PPRC1: variants seen among roughly 807,000 people sequenced by gnomAD.
The protein encoded by PPRC1 is PPARG related coactivator 1, also known as peroxisome proliferator-activated receptor gamma coactivator-related protein 1.
Under a neutral mutation model 132.5 loss-of-function variants are expected in PPRC1, and 23 were observed. That is an observed-to-expected ratio of 0.17 (90% confidence interval 0.12 to 0.25). The LOEUF is 0.25. Among genes scored for constraint, PPRC1 ranks in the 10% least tolerant of loss-of-function variants. PPRC1 has a pLI of 1.00. For missense variants in PPRC1, 2,006 were observed against 2,089.1 expected (o/e 0.96, Z 0.78); for synonymous variants, 872 against 833.5 (o/e 1.05, Z -0.80).
In PPRC1 at chr10:102,141,124, T is replaced by G. The variant is rs1271287257; in HGVS notation, c.2616T>G (p.Pro872=). The change falls in exon 5 of 14, where the codon CCT becomes CCG. Residue 872 remains proline, a synonymous_variant. Coordinates refer to ENST00000278070, the MANE Select transcript of PPRC1 (RefSeq NM_015062.5). ...CTGTGTCCCCTGCTGTGCCCACACC[T>G]CCCTCGATGTCTGCTGCCCTGCCTT... is the stretch of plus-strand genomic sequence containing the variant. ...VQSVSPAVPT[P]PSMSAALPFP... 8.7e-6 allele frequency: 14 copies of G among 1,613,948 alleles called. No individual in the cohort carries two copies. Among genetic ancestry groups the G allele is most frequent in the Non-Finnish European group, 1.1e-5 (13 of 1,179,940 alleles).
chr10:102,132,500 G>T (rs1166148394), upstream of PPRC1, among the ~76,000 whole-genome samples: 2 of 152,260 alleles, frequency 1.3e-5, no homozygotes, highest in Non-Finnish European at 2.9e-5. Flanking sequence ...AAACAAATTT[G>T]ATAGAGAAGG....
At chr10:102,149,106 G>A (rs2069399994) in intron 12 of PPRC1, 72 bp from the exon 13 acceptor site, 1 of 1,526,304 alleles carries the variant, frequency 6.6e-7, no homozygotes, top group African/African-American at 1.4e-5. Flanking sequence ...CTGTACCTTG[G>A]GATGCTGTGT....
rs185173254 is a variant in PPRC1, at chr10:102,133,059, A to T, written c.-10A>T. The stretch of plus-strand genomic sequence containing the variant: ...GCGATCAGAGCAGCGCTGGGTGTTC[A>T]GGGGCCAAGATGGCGGCGCGCCGGG... On this transcript the variant is annotated 5_prime_UTR_variant, in exon 1 of 14. Coordinates refer to ENST00000278070, the MANE Select transcript of PPRC1 (RefSeq NM_015062.5). 34 of 1,241,074 alleles carry T rather than the reference A, an allele frequency of 2.7e-5. No individual in the cohort carries two copies. Among genetic ancestry groups the T allele is most frequent in the Non-Finnish European group, 3.4e-5 (34 of 987,914 alleles). 76.9% of individuals were successfully genotyped at this position (1,241,074 alleles called of 1,614,324 possible). A position where few individuals can be genotyped will look rare whatever the true frequency, so the allele number is the denominator to read the frequency against.
At chr10:102,130,422 A>G (rs955560325), upstream of PPRC1, among the ~76,000 whole-genome samples, 1 of 144,984 alleles carries the variant, frequency 6.9e-6, no homozygotes, top group African/African-American at 2.6e-5. Context: ...TTCTCAAAAA[A>G]AAAAAAAAAA....
chr10:102,133,690 A>G (rs916303438), intron 1 of PPRC1, among the ~76,000 whole-genome samples: 1 of 150,180 alleles, frequency 6.7e-6, no homozygotes, highest in African/African-American at 2.5e-5. Flanking sequence ...CAGCGGGTCC[A>G]CGTGGGGGCG....
Position 102,141,926 on chromosome 10 carries a change from C to T in PPRC1, c.3418C>T (p.Leu1140=). The T allele has an allele frequency of 6.2e-7, 1 of 1,614,178 alleles. No individual in the cohort carries two copies. Among genetic ancestry groups the T allele is most frequent in the Non-Finnish European group, 8.5e-7 (1 of 1,180,016 alleles). Residue 1140 remains leucine (L), a synonymous_variant, in exon 5 of 14, where the codon CTA becomes TTA. Transcript: ENST00000278070. ...GCTGCCTGCTGTCCACCCAGCCCGT[C>T]TAAGGAAGCTGTCCTTCCTGCCTAC... is the stretch of plus-strand genomic sequence containing the variant. ...PKLPAVHPAR[L]RKLSFLPTPR... is the part of the protein sequence containing the mutation.
chr10:102,145,035 C>G lies in PPRC1; in HGVS notation c.3624C>G (p.Pro1208=), dbSNP rs750259580. 1.1e-5 allele frequency: 18 copies of G among 1,612,466 alleles called. No homozygotes were observed. Among genetic ancestry groups the G allele is most frequent in the Non-Finnish European group, 1.5e-5 (18 of 1,178,824 alleles). ...AVGNSGGVDI[P]QEKRPLDRLQ... ...CCCCCGCCAGCGGCGTTGACATTCC[C>G]CAGGAGAAGAGGCCCCTAGACCGGT... Residue 1208 remains proline (P), a synonymous_variant, in exon 8 of 14, where the codon CCC becomes CCG. Transcript: ENST00000278070.
the PPRC1 span, chr10:102,120,108 C>T: frequency 1.5e-6 from 2 of 1,376,256 alleles, no homozygotes; most frequent in Non-Finnish European, 1.9e-6. Flanking sequence ...AGCCCACTGA[C>T]ATCTTCACAT....
At chr10:102,134,806 C>CCCT (rs1397526313) in intron 1 of PPRC1, among the ~76,000 whole-genome samples, 3 of 152,168 alleles carry the variant, frequency 2.0e-5, no homozygotes, top group African/African-American at 7.2e-5. Flanking sequence ...CAGAGACACA[C>CCCT]CCTCACACCT....
rs1288038106 is a variant in PPRC1, at chr10:102,138,611, T to G, written c.343-8T>G. ...TGGTAGGACCTTCTGGTTGTTTTTC[T>G]GGAGCAGAGCAGGTTATCTCTGGAG... On this transcript the variant is annotated splice_region_variant and splice_polypyrimidine_tract_variant and intron_variant, in intron 2 of 13. Transcript: ENST00000278070. The G allele has an allele frequency of 2.5e-6, 4 of 1,613,664 alleles. No individual in the cohort carries two copies. Among genetic ancestry groups the G allele is most frequent in the Non-Finnish European group, 3.4e-6 (4 of 1,179,724 alleles).
chr10:102,138,999 G>C lies in PPRC1; in HGVS notation c.591+19G>C. 1 of 1,609,154 alleles carries C rather than the reference G, an allele frequency of 6.2e-7. No homozygotes were observed. Among genetic ancestry groups the C allele is most frequent in the South Asian group, 1.1e-5 (1 of 90,982 alleles). ...GAGTGGGGTAAGCCTGACCTAGAGG[G>C]TTTCAGAAACTCCCAGGTGGGAGGA... is the stretch of plus-strand genomic sequence containing the variant. On this transcript the variant is annotated intron_variant, in intron 4 of 13. Coordinates refer to ENST00000278070, the MANE Select transcript of PPRC1 (RefSeq NM_015062.5).
chr10:102,127,019 T>TTA, the PPRC1 span, among the ~76,000 whole-genome samples: 14 of 78,884 alleles, frequency 1.8e-4, 1 homozygote, highest in African/African-American at 6.8e-4. Context: ...TGGTTTTTTA[T>TTA]CATATATATA....
At chr10:102,120,075 G>C in the PPRC1 span, 1 of 1,438,102 alleles carries the variant, frequency 7.0e-7, no homozygotes, top group Non-Finnish European at 9.2e-7. Flanking sequence ...GTGGCCGCAC[G>C]CCCCACTCAC....
At position 102,148,975 on chromosome 10, in the gene PPRC1, T is replaced by C; in HGVS notation, c.4739+37T>C. On this transcript the variant is annotated intron_variant, in intron 12 of 13. Coordinates refer to ENST00000278070, the MANE Select transcript of PPRC1 (RefSeq NM_015062.5). This position sits in a 1 kb window ranked among gnomAD's most constrained non-coding sequence, Gnocchi z 4.2. ...CCCCAGGCTCAGGATGTTCTTTCTA[T>C]CCCATTCATCTACCTTGGTGTTTCT... is the stretch of plus-strand genomic sequence containing the variant. The C allele has an allele frequency of 6.2e-7, 1 of 1,609,364 alleles. No homozygotes were observed. The highest frequency in any genetic ancestry group is 8.5e-7 in the Non-Finnish European group (1 of 1,177,972).
At position 102,138,053 on chromosome 10, in the gene PPRC1, G is replaced by C; in HGVS notation, c.342+15G>C. The C allele has an allele frequency of 3.1e-6, 5 of 1,607,838 alleles. No homozygotes were observed. The highest frequency in any genetic ancestry group is 4.3e-6 in the Non-Finnish European group (5 of 1,176,376). On this transcript the variant is annotated intron_variant, in intron 2 of 13. Coordinates refer to ENST00000278070, the MANE Select transcript of PPRC1 (RefSeq NM_015062.5). Reference sequence around the variant, plus strand: ...GCCTTGGAGAGGTGAGCTGGGGCTGGACTCTGAAATCTTCAAGCAGGAGGT... The same window carrying C: ...GCCTTGGAGAGGTGAGCTGGGGCTGCACTCTGAAATCTTCAAGCAGGAGGT...
the PPRC1 span, chr10:102,120,393 G>A: frequency 1.0e-6 from 1 of 983,610 alleles, no homozygotes; most frequent in Non-Finnish European, 1.2e-6. Context: ...GTGTGCGCGT[G>A]TGCGTGTGCG....
rs765706257 is a variant in PPRC1, at chr10:102,139,408, G to A, written c.900G>A (p.Glu300=). 6.2e-7 allele frequency: 1 copy of A among 1,614,226 alleles called. No homozygotes were observed. Among genetic ancestry groups the A allele is most frequent in the Non-Finnish European group, 8.5e-7 (1 of 1,180,046 alleles). The stretch of plus-strand genomic sequence containing the variant: ...TGGCAGTGCCAGCAGCTGGTGATGA[G>A]AGCATCTCCTCCCTGAGTGAGCTGG... ...AEMAVPAAGD[E]SISSLSELVR... The change falls in exon 5 of 14, where the codon GAG becomes GAA. Residue 300 remains glutamate (E), a synonymous_variant. Coordinates refer to ENST00000278070, the MANE Select transcript of PPRC1 (RefSeq NM_015062.5).
intron 1 of PPRC1, among the ~76,000 whole-genome samples, chr10:102,134,314 A>G (rs758390396): frequency 6.6e-6 from 1 of 152,098 alleles, no homozygotes; most frequent in Non-Finnish European, 1.5e-5. Flanking sequence ...GAAAAGTTGG[A>G]GGCGGTTTGA....
intron 8 of PPRC1, among the ~76,000 whole-genome samples, chr10:102,146,138 CGA>C (rs2133707237): frequency 6.6e-6 from 1 of 152,216 alleles, no homozygotes; most frequent in African/African-American, 2.4e-5. Flanking sequence ...AGAGGTAAAG[CGA>C]GAGATAAAAC....
Sources: allele counts gnomAD v4.1 joint callset (sites outside exome capture counted in the v4.1 genomes callset), GRCh38; gene constraint gnomAD v4.1.1; non-coding constraint Gnocchi (gnomAD v3.1); transcripts MANE v1.5; gene names NCBI Gene and HGNC (gene_info 2026-07-23, HGNC 2026-07-21).